Variants in DOCK2 observed in about 807,000 individuals in gnomAD.
The protein encoded by DOCK2 is dedicator of cytokinesis protein 2.
In DOCK2, 87 loss-of-function variants were observed where a neutral mutation model predicts 248.9. The ratio of observed to expected loss-of-function variants is 0.35; its 90% CI spans 0.29 to 0.42. DOCK2 has a LOEUF of 0.42. DOCK2 is among the 10% of genes least tolerant of loss of function. The pLI, the probability that DOCK2 is intolerant of heterozygous loss-of-function variation, is 1.00. For synonymous variants in DOCK2, 805 were observed against 821.6 expected (o/e 0.98, Z 0.35); for missense variants, 1,747 against 2,300.2 (o/e 0.76, Z 4.92).
chr5:169,916,490 G>A (rs1054747265), intron 27 of DOCK2, among the ~76,000 whole-genome samples: 5 of 152,220 alleles, frequency 3.3e-5, no homozygotes, highest in African/African-American at 9.6e-5. Context: ...GGGGATGGAC[G>A]CTAGAATTGG....
intron 32 of DOCK2, among the ~76,000 whole-genome samples, chr5:170,015,922 C>A (rs1448449432): frequency 2.0e-5 from 3 of 149,864 alleles, no homozygotes; most frequent in Non-Finnish European, 4.4e-5. Context: ...TTCCTTTCAC[C>A]TTTCCTTCCT....
rs201185913 is a variant in DOCK2 at position 169,700,010 on chromosome 5, G to T, written c.1133-4G>T. ...GCTCTTCACGGTGAGCTGTTCCTTT[G>T]CAGGCCTCTGGGTGACCATGAAGAT... is the stretch of plus-strand genomic sequence containing the variant. On this transcript the variant is annotated splice_polypyrimidine_tract_variant and splice_region_variant and intron_variant, in intron 12 of 51. Transcript: ENST00000520908. 1.7e-4 allele frequency: 275 copies of T among 1,613,394 alleles called. No homozygotes were observed. Among genetic ancestry groups the T allele is most frequent in the Middle Eastern group, 9.9e-4 (6 of 6,074 alleles).
chr5:170,038,857 G>C (rs7715478), intron 36 of DOCK2, among the ~76,000 whole-genome samples: 2 of 151,948 alleles, frequency 1.3e-5, no homozygotes, highest in Admixed American at 1.3e-4. Flanking sequence ...GCTCTCCCCA[G>C]GTTTTTTGAA....
chr5:169,998,824 A>G (rs537699146), intron 30 of DOCK2, among the ~76,000 whole-genome samples: 2 of 152,166 alleles, frequency 1.3e-5, no homozygotes, highest in Non-Finnish European at 2.9e-5. Flanking sequence ...AATCTTCGAC[A>G]CGGGAACAAA....
chr5:170,059,510 C>T (rs1372248536), intron 44 of DOCK2, among the ~76,000 whole-genome samples: 1 of 152,156 alleles, frequency 6.6e-6, no homozygotes, highest in Non-Finnish European at 1.5e-5. Context: ...CTTCCCATTC[C>T]CTCAGCTACT....
rs67124138 is a variant in DOCK2, at chr5:169,853,804, C to CTTTTTTTTTTTTTTTTTTTT, written c.2799+12978_2799+12997dup. Among the ~76,000 whole-genome samples, 6 of 56,818 alleles carry CTTTTTTTTTTTTTTTTTTTT rather than the reference C, an allele frequency of 1.1e-4. 1 individual carries two copies. Among genetic ancestry groups the CTTTTTTTTTTTTTTTTTTTT allele is most frequent in the East Asian group, 5.5e-4 (1 of 1,814 alleles). The allele number at this position is 56,818 out of a possible 152,430, so 37.3% of individuals were successfully genotyped here. On this transcript the variant is annotated intron_variant, in intron 27 of 51. Transcript: ENST00000520908. ...TTCCTTCTATAATCAGGAAAAACAA[C>CTTTTTTTTTTTTTTTTTTTT]TTTTTTTTTTTTTTTTTTTTTTTTT...
intron 30 of DOCK2, among the ~76,000 whole-genome samples, chr5:170,003,526 A>C (rs992415540): frequency 1.3e-5 from 2 of 152,260 alleles, no homozygotes; most frequent in African/African-American, 4.8e-5. Context: ...CAGTCTAGGA[A>C]GGCTTCATGA....
chr5:169,692,168 T>C (rs553014830), intron 9 of DOCK2, among the ~76,000 whole-genome samples: 155 of 152,344 alleles, frequency 1.0e-3, no homozygotes, highest in African/African-American at 3.5e-3. Flanking sequence ...CCCTCTGTTT[T>C]GTAAGGGTTT....
intron 26 of DOCK2, among the ~76,000 whole-genome samples, chr5:169,839,268 C>T (rs1177278739): frequency 2.0e-5 from 3 of 152,180 alleles, no homozygotes; most frequent in African/African-American, 4.8e-5. Flanking sequence ...GGCTCTGTTT[C>T]AGACTACAAA....
At chr5:169,679,718 TG>T (rs1201990143) in intron 6 of DOCK2, among the ~76,000 whole-genome samples, 1 of 152,234 alleles carries the variant, frequency 6.6e-6, no homozygotes, top group African/African-American at 2.4e-5. Context: ...TTGGGCAGCA[TG>T]GCCGTGTACC....
At chr5:169,637,404 G>A (rs1240102729) in intron 1 of DOCK2, 35 bp downstream of exon 1, 1 of 1,341,500 alleles carries the variant, frequency 7.5e-7, no homozygotes, top group Non-Finnish European at 9.6e-7. Flanking sequence ...CAGGGAGCGG[G>A]ACAGGTGGCG....
chr5:169,920,673 C>G (rs561929628), intron 27 of DOCK2, among the ~76,000 whole-genome samples: 1 of 152,344 alleles, frequency 6.6e-6, no homozygotes, highest in African/African-American at 2.4e-5. Context: ...AGGTGATGGA[C>G]AGTGTAGCCA....
intron 23 of DOCK2, among the ~76,000 whole-genome samples, chr5:169,750,580 G>A (rs1187193727): frequency 6.6e-6 from 1 of 152,178 alleles, no homozygotes; most frequent in Non-Finnish European, 1.5e-5. Context: ...TTTTACCCAG[G>A]TGGTTCTTGT....
intron 14 of DOCK2, among the ~76,000 whole-genome samples, chr5:169,705,836 G>A (rs182004695): frequency 7.0e-4 from 106 of 152,292 alleles, no homozygotes; most frequent in African/African-American, 2.5e-3. Flanking sequence ...CTGCAGAGAT[G>A]TTTCTTCTAA....
chr5:169,864,279 C>A (rs1771395576), intron 27 of DOCK2: 5 of 1,551,510 alleles, frequency 3.2e-6, no homozygotes, highest in Non-Finnish European at 4.4e-6. Context: ...CAGCTCAGAT[C>A]CACCAGAAGC....
intron 22 of DOCK2, among the ~76,000 whole-genome samples, chr5:169,737,989 G>C (rs1298203787): frequency 6.6e-6 from 1 of 152,180 alleles, no homozygotes; most frequent in East Asian, 1.9e-4. Flanking sequence ...CATTGGAAAT[G>C]GGGGGCAGTC....
intron 26 of DOCK2, among the ~76,000 whole-genome samples, chr5:169,814,734 C>T (rs906180702): frequency 1.3e-5 from 2 of 152,068 alleles, no homozygotes; most frequent in African/African-American, 4.8e-5. Flanking sequence ...GATGATTACT[C>T]ACTTATGAAG....
chr5:169,827,394 C>G (rs987751557), intron 26 of DOCK2, among the ~76,000 whole-genome samples: 1 of 152,162 alleles, frequency 6.6e-6, no homozygotes, highest in African/African-American at 2.4e-5. Context: ...GCATACTTAT[C>G]TGAAAGAAAA....
intron 30 of DOCK2, 91 bp downstream of exon 30, chr5:169,996,255 C>T: frequency 7.5e-7 from 1 of 1,328,488 alleles, no homozygotes. Flanking sequence ...ATCCCAAAGG[C>T]CACAGAAGCT....
Sources: gnomAD v4.1 joint callset for allele counts (sites outside exome capture counted in the v4.1 genomes callset) on GRCh38, gnomAD v4.1.1 for gene constraint, MANE v1.5 for transcripts, NCBI Gene and HGNC (gene_info 2026-07-23, HGNC 2026-07-21) for gene names.